ARHGAP6: variants seen among roughly 807,000 people sequenced by gnomAD.
The protein encoded by ARHGAP6 is rho GTPase-activating protein 6.
ARHGAP6 carries 16 observed loss-of-function variants against 55.7 expected under a neutral mutation model. The ratio of observed to expected loss-of-function variants is 0.29; its 90% CI spans 0.19 to 0.44. The LOEUF (loss-of-function observed/expected upper bound fraction) is 0.44. ARHGAP6 is among the 20% of genes least tolerant of loss of function. The pLI is 1.00. For missense variants in ARHGAP6, 698 were observed against 808.9 expected (o/e 0.86, Z 1.66); for synonymous variants, 382 against 360.9 (o/e 1.06, Z -0.66).
At chrX:11,231,500 C>T (rs1434696005) in intron 2 of ARHGAP6, among the ~76,000 whole-genome samples, 1 of 112,229 alleles carries the variant, frequency 8.9e-6, no homozygotes, top group African/African-American at 3.2e-5. Context: ...CTTTTGCCTC[C>T]CTGCCTCTTG....
chrX:11,596,373 G>A (rs976594114), intron 1 of ARHGAP6, among the ~76,000 whole-genome samples: 1 of 111,219 alleles, frequency 9.0e-6, no homozygotes, highest in East Asian at 2.8e-4. Context: ...GTTGAACAAT[G>A]AGAACACATG....
chrX:11,402,377 G>C (rs757185268), intron 1 of ARHGAP6, among the ~76,000 whole-genome samples: 2 of 111,152 alleles, frequency 1.8e-5, no homozygotes, highest in East Asian at 5.6e-4. Context: ...GTCAGACTTT[G>C]AGCCTATGCC....
At chrX:11,207,199 CT>C (rs11372246) in intron 2 of ARHGAP6, among the ~76,000 whole-genome samples, 46 of 102,283 alleles carry the variant, frequency 4.5e-4, no homozygotes, top group Admixed American at 3.2e-4. Context: ...TTTTCTTCTT[CT>C]TTTTTTTTTT....
chrX:11,462,366 T>C (rs750977545), intron 1 of ARHGAP6, among the ~76,000 whole-genome samples: 132 of 112,113 alleles, frequency 1.2e-3, no homozygotes, highest in Non-Finnish European at 2.1e-3. Flanking sequence ...TCTAACTGTG[T>C]TTGTCCCAGA....
At chrX:11,215,133 C>T (rs1370817688) in intron 2 of ARHGAP6, among the ~76,000 whole-genome samples, 2 of 112,846 alleles carry the variant, frequency 1.8e-5, no homozygotes, top group Admixed American at 1.8e-4. Flanking sequence ...GTGTGGGTCC[C>T]TCCTGCCTGG....
intron 1 of ARHGAP6, among the ~76,000 whole-genome samples, chrX:11,370,539 A>G (rs1384284412): frequency 8.9e-6 from 1 of 111,761 alleles, no homozygotes; most frequent in Non-Finnish European, 1.9e-5. Flanking sequence ...AATAAAAGTG[A>G]TATCAGAAAC....
chrX:11,440,865 G>A (rs960872182), intron 1 of ARHGAP6, among the ~76,000 whole-genome samples: 2 of 112,102 alleles, frequency 1.8e-5, no homozygotes, highest in African/African-American at 6.5e-5. Context: ...AATTACAATG[G>A]CAATGACTGC....
intron 1 of ARHGAP6, among the ~76,000 whole-genome samples, chrX:11,557,909 T>A (rs1330523611): frequency 8.9e-6 from 1 of 111,941 alleles, no homozygotes; most frequent in Non-Finnish European, 1.9e-5. Flanking sequence ...TATATATGTA[T>A]GAGAAGTAAC....
intron 1 of ARHGAP6, among the ~76,000 whole-genome samples, chrX:11,308,772 A>C (rs1404911721): frequency 8.9e-6 from 1 of 112,318 alleles, no homozygotes; most frequent in African/African-American, 3.2e-5. Context: ...GACCCATGCA[A>C]CAGTAACATT....
At chrX:11,608,801 G>T (rs2052067014) in intron 1 of ARHGAP6, among the ~76,000 whole-genome samples, 1 of 111,602 alleles carries the variant, frequency 9.0e-6, no homozygotes, top group Non-Finnish European at 1.9e-5. Context: ...CTGCTGCCAT[G>T]TAGGAAGTGC....
chrX:11,545,918 G>A (rs933652958), intron 1 of ARHGAP6, among the ~76,000 whole-genome samples: 1 of 111,466 alleles, frequency 9.0e-6, no homozygotes, highest in African/African-American at 3.3e-5. Context: ...AATTTAGGAA[G>A]GTAAACGAGG....
At chrX:11,273,352 A>G (rs1338272537) in intron 1 of ARHGAP6, among the ~76,000 whole-genome samples, 3 of 110,150 alleles carry the variant, frequency 2.7e-5, no homozygotes, top group African/African-American at 9.9e-5. Flanking sequence ...GCCACCAGTT[A>G]ATATTAATAG....
chrX:11,222,907 T>G (rs982109033), intron 2 of ARHGAP6, among the ~76,000 whole-genome samples: 4 of 112,279 alleles, frequency 3.6e-5, no homozygotes, highest in African/African-American at 1.3e-4. Flanking sequence ...TTTAATTATT[T>G]GCTTTTTTTC....
intron 1 of ARHGAP6, among the ~76,000 whole-genome samples, chrX:11,479,680 T>A (rs564270539): frequency 9.8e-5 from 11 of 111,961 alleles, no homozygotes; most frequent in Middle Eastern, 4.6e-3. Context: ...CATTTTGTAC[T>A]GGGTTCTGCC....
intron 1 of ARHGAP6, among the ~76,000 whole-genome samples, chrX:11,559,066 C>T (rs1480727987): frequency 9.4e-6 from 1 of 106,282 alleles, no homozygotes; most frequent in Non-Finnish European, 1.9e-5. Context: ...TTAGTCCTTC[C>T]TTTAAAGGGA....
At chrX:11,413,686 G>A (rs1377287042) in intron 1 of ARHGAP6, among the ~76,000 whole-genome samples, 1 of 112,255 alleles carries the variant, frequency 8.9e-6, no homozygotes, top group African/African-American at 3.2e-5. Flanking sequence ...ATGAGTAAAT[G>A]ACACTTTTCT....
Position 11,472,230 on chromosome X carries a change from C to T in ARHGAP6, c.588+192011G>A, listed in dbSNP as rs182245146. ...ACCCACTAGATGCCGGTAGCACCCT[C>T]CACCCCAGTTGTAAGAACAAAAAAA... On this transcript the variant is annotated intron_variant, in intron 1 of 12. Coordinates refer to ENST00000337414, the MANE Select transcript of ARHGAP6 (RefSeq NM_013427.3). 9.9e-5 allele frequency among the ~76,000 whole-genome samples: 11 copies of T among 111,634 alleles called. No homozygotes were observed. The East Asian group carries it at 3.1e-3, about 32-fold the overall frequency.
At chrX:11,522,310 G>A (rs1262899577) in intron 1 of ARHGAP6, among the ~76,000 whole-genome samples, 78 of 109,909 alleles carry the variant, frequency 7.1e-4, no homozygotes, top group African/African-American at 2.2e-3. Context: ...ACACCCTAAC[G>A]TCACAATTAA....
At chrX:11,438,595 C>T (rs894936348) in intron 1 of ARHGAP6, among the ~76,000 whole-genome samples, 8 of 112,658 alleles carry the variant, frequency 7.1e-5, no homozygotes, top group African/African-American at 2.6e-4. Context: ...AATCATTCTT[C>T]CTGCCAAAGG....
Sources: allele counts gnomAD v4.1 joint callset (sites outside exome capture counted in the v4.1 genomes callset), GRCh38; gene constraint gnomAD v4.1.1; transcripts MANE v1.5; gene names NCBI Gene and HGNC (gene_info 2026-07-23, HGNC 2026-07-21).